The following CBX1 variants were observed in gnomAD, a reference collection of about 807,000 sequenced individuals.
CBX1 encodes chromobox 1, also known as chromobox protein homolog 1.
In CBX1, 10 loss-of-function variants were observed where a neutral mutation model predicts 25.1. That is an observed-to-expected ratio of 0.40 (90% CI 0.25 to 0.68). The LOEUF (loss-of-function observed/expected upper bound fraction) is 0.68. Among genes scored for constraint, CBX1 ranks in the 30% least tolerant of loss-of-function variants. The pLI is 0.40. For synonymous variants in CBX1, 63 were observed against 79.4 expected, an observed-to-expected ratio of 0.79 and a Z score of 1.10; for missense variants, 106 against 218.5, an observed-to-expected ratio of 0.49 and a Z score of 3.25.
intron 4 of CBX1, among the ~76,000 whole-genome samples, chr17:48,072,867 A>G (rs1175737806): frequency 6.6e-6 from 1 of 152,136 alleles, no homozygotes; most frequent in East Asian, 1.9e-4. Flanking sequence ...GCAGTAGCTC[A>G]CGCCTATAAT....
At chr17:48,084,649 G>A (rs113769350) in intron 1 of CBX1, among the ~76,000 whole-genome samples, 6 of 149,126 alleles carry the variant, frequency 4.0e-5, no homozygotes, top group South Asian at 4.2e-4. Context: ...GGTGGCTCAC[G>A]CCTGTAATCC....
At chr17:48,092,041 A>C (rs531742619) in intron 1 of CBX1, among the ~76,000 whole-genome samples, 120 of 130,990 alleles carry the variant, frequency 9.2e-4, no homozygotes, top group African/African-American at 3.5e-3. Flanking sequence ...CCCAGGCTGG[A>C]ATACAATGGT....
chr17:48,098,146 G>A (rs1389197153), intron 1 of CBX1, among the ~76,000 whole-genome samples: 1 of 152,122 alleles, frequency 6.6e-6, no homozygotes, highest in Non-Finnish European at 1.5e-5. Context: ...AGCTACTCAA[G>A]AGGCTGTGGT....
At chr17:48,093,781 T>G (rs2063357148) in intron 1 of CBX1, among the ~76,000 whole-genome samples, 1 of 152,160 alleles carries the variant, frequency 6.6e-6, no homozygotes, top group Non-Finnish European at 1.5e-5. Context: ...CCTGAACATA[T>G]CCTATGTTTC....
intron 1 of CBX1, among the ~76,000 whole-genome samples, chr17:48,077,436 T>TGG (rs2037686344): frequency 1.9e-5 from 2 of 106,578 alleles, no homozygotes; most frequent in African/African-American, 7.5e-5. Context: ...TTTTGTTGTT[T>TGG]TTTTTTTTGT....
chr17:48,097,058 T>C (rs1474015165), intron 1 of CBX1, among the ~76,000 whole-genome samples: 1 of 151,790 alleles, frequency 6.6e-6, no homozygotes, highest in East Asian at 1.9e-4. Context: ...AAGACCAACC[T>C]GGCCAACATG....
chr17:48,073,889 G>A (rs921883563), intron 4 of CBX1, among the ~76,000 whole-genome samples: 1 of 149,294 alleles, frequency 6.7e-6, no homozygotes. Context: ...TAAGCAATAT[G>A]GAGATACTAC....
At chr17:48,097,249 C>G (rs1221002732) in intron 1 of CBX1, among the ~76,000 whole-genome samples, 1 of 146,338 alleles carries the variant, frequency 6.8e-6, no homozygotes, top group African/African-American at 2.5e-5. Flanking sequence ...AGCGAAACTC[C>G]GTCTCAAAAA....
chr17:48,075,958 G>C, intron 3 of CBX1, 43 bp downstream of exon 3: 3 of 1,443,464 alleles, frequency 2.1e-6, no homozygotes, highest in Non-Finnish European at 2.8e-6. Context: ...TTTGACAGTA[G>C]TTTGAATTGT....
At chr17:48,078,242 G>C (rs2037696561) in intron 1 of CBX1, among the ~76,000 whole-genome samples, 1 of 151,908 alleles carries the variant, frequency 6.6e-6, no homozygotes, top group South Asian at 2.1e-4. Flanking sequence ...CCCCAGGCTG[G>C]AGTGCAGTGG....
At chr17:48,088,974 A>G (rs1393951298) in intron 1 of CBX1, among the ~76,000 whole-genome samples, 5 of 152,138 alleles carry the variant, frequency 3.3e-5, no homozygotes, top group Non-Finnish European at 7.3e-5. Flanking sequence ...AGACTGTCTC[A>G]ATAAAACACA....
intron 1 of CBX1, among the ~76,000 whole-genome samples, chr17:48,077,433 G>GTTTTTT (rs113914818): frequency 7.8e-6 from 1 of 128,840 alleles, no homozygotes; most frequent in Non-Finnish European, 1.6e-5. Context: ...AATTTTTGTT[G>GTTTTTT]TTTTTTTTTT....
intron 4 of CBX1, 63 bp from the exon 5 acceptor site, chr17:48,071,642 A>G (rs1358846377): frequency 1.4e-6 from 2 of 1,398,042 alleles, no homozygotes; most frequent in East Asian, 2.4e-5. Flanking sequence ...TAAGTTGGAT[A>G]ACCCAGGGGA....
chr17:48,101,346 G>T lies in CBX1; in HGVS notation c.-116C>A. 3 of 986,146 alleles carry T rather than the reference G, an allele frequency of 3.0e-6. No individual in the cohort carries two copies. The allele number at this position is 986,146 out of a possible 1,614,324, so 61.1% of individuals were successfully genotyped here. A position where few individuals can be genotyped will look rare whatever the true frequency, so the allele number is the denominator to read the frequency against. Reference sequence around the variant, plus strand: ...TCGCGTCGGGTCGCCTGGGGGAGTGGCGCCCAGGAAGGCAGCAAGCCGGGT... The same window carrying T: ...TCGCGTCGGGTCGCCTGGGGGAGTGTCGCCCAGGAAGGCAGCAAGCCGGGT... On this transcript the variant is annotated 5_prime_UTR_variant, in exon 1 of 5. Transcript: ENST00000225603.
In CBX1 at chr17:48,077,453, TG is replaced by T. The variant is rs1209786407; in HGVS notation, c.-37-413del. ...TTGTTGTTTTTTTTTTTGTTTTTTT[TG>T]TTTTTTTTTTTTTAGTAGAGACGGG... On this transcript the variant is annotated intron_variant, in intron 1 of 4. Coordinates refer to ENST00000225603, the MANE Select transcript of CBX1 (RefSeq NM_001127228.2). 4.0e-3 allele frequency among the ~76,000 whole-genome samples: 469 copies of T among 116,590 alleles called. 19 individuals carry two copies. Among genetic ancestry groups the T allele is most frequent in the African/African-American group, 0.011 (394 of 35,296 alleles). The allele number at this position is 116,590 out of a possible 152,430, so 76.5% of individuals were successfully genotyped here.
At chr17:48,087,865 T>A in intron 1 of CBX1, among the ~76,000 whole-genome samples, 1 of 105,894 alleles carries the variant, frequency 9.4e-6, no homozygotes, top group African/African-American at 4.0e-5. Context: ...AGAGCGAGAC[T>A]CAGTCTCAAA....
At chr17:48,096,625 G>T (rs1032442368) in intron 1 of CBX1, among the ~76,000 whole-genome samples, 2 of 151,528 alleles carry the variant, frequency 1.3e-5, no homozygotes, top group African/African-American at 4.8e-5. Flanking sequence ...TACAAAAAAA[G>T]TTAGCTGGGC....
intron 1 of CBX1, among the ~76,000 whole-genome samples, chr17:48,097,472 C>T (rs1483496540): frequency 1.1e-4 from 16 of 151,776 alleles, no homozygotes; most frequent in Non-Finnish European, 2.1e-4. Flanking sequence ...AAAAATTAGC[C>T]GGGCGTTGTC....
At chr17:48,095,565 A>G (rs1005734868) in intron 1 of CBX1, 3 of 152,294 alleles carry the variant, frequency 2.0e-5, no homozygotes, top group African/African-American at 7.2e-5. Flanking sequence ...CTCAAAAAAA[A>G]GAGGATGACT....
Sources: gnomAD v4.1 joint callset for allele counts (sites outside exome capture counted in the v4.1 genomes callset) on GRCh38, gnomAD v4.1.1 for gene constraint, MANE v1.5 for transcripts, NCBI Gene and HGNC (gene_info 2026-07-23, HGNC 2026-07-21) for gene names.